Variants in CDH17 observed in about 807,000 individuals in gnomAD.
CDH17 encodes cadherin-17.
A neutral mutation model predicts 86.3 loss-of-function variants in CDH17; 67 were observed. The ratio of observed to expected loss-of-function variants is 0.78; its 90% CI spans 0.64 to 0.95. CDH17 has a LOEUF of 0.95. Among genes scored for constraint, CDH17 ranks in the 40% least tolerant of loss-of-function variants. The pLI, the probability that CDH17 is intolerant of heterozygous loss-of-function variation, is 0.00. For missense variants in CDH17, 993 were observed against 1,017.6 expected (o/e 0.98, Z 0.33); for synonymous variants, 367 against 366.4 (o/e 1.00, Z -0.02).
rs181409807 is a variant in CDH17, at chr8:94,198,753, C to A, written c.-20-4048G>T. Reference sequence around the variant, plus strand: ...GCTGCTCTCCCTGCCTGGCACAAGGCCTGGCCCAGAGAAAATGGACAATGG... The same window carrying A: ...GCTGCTCTCCCTGCCTGGCACAAGGACTGGCCCAGAGAAAATGGACAATGG... On this transcript the variant is annotated intron_variant, in intron 1 of 17. Transcript: ENST00000027335. Among the ~76,000 whole-genome samples, 439 of 152,264 alleles carry A rather than the reference C, an allele frequency of 2.9e-3. 3 individuals carry two copies. The highest frequency in any genetic ancestry group is 0.01 in the African/African-American group (422 of 41,556).
chr8:94,173,151 G>T (rs1377977326), intron 7 of CDH17, among the ~76,000 whole-genome samples: 2 of 152,178 alleles, frequency 1.3e-5, no homozygotes, highest in African/African-American at 2.4e-5. Flanking sequence ...TAAGGTGAGG[G>T]TGAGTGAAGT....
intron 5 of CDH17, 88 bp from the exon 6 acceptor site, chr8:94,174,348 G>T: frequency 7.5e-7 from 1 of 1,332,868 alleles, no homozygotes; most frequent in Non-Finnish European, 1.0e-6. Context: ...CATCTAAAAA[G>T]TGGAGATATA....
intron 15 of CDH17, among the ~76,000 whole-genome samples, chr8:94,139,264 A>G (rs1239122365): frequency 2.0e-5 from 3 of 152,172 alleles, no homozygotes; most frequent in South Asian, 2.1e-4. Flanking sequence ...AAAAAACAGT[A>G]AACTTGAAGA....
intron 3 of CDH17, among the ~76,000 whole-genome samples, chr8:94,179,091 C>T (rs1300795734): frequency 6.6e-6 from 1 of 151,528 alleles, no homozygotes; most frequent in Non-Finnish European, 1.5e-5. Flanking sequence ...TTAATGCACC[C>T]TAATCCCATG....
At chr8:94,186,299 A>G (rs1813579183) in intron 3 of CDH17, among the ~76,000 whole-genome samples, 1 of 152,136 alleles carries the variant, frequency 6.6e-6, no homozygotes, top group Non-Finnish European at 1.5e-5. Flanking sequence ...CCAGTCAAGC[A>G]AGCCAGAGAC....
intron 12 of CDH17, among the ~76,000 whole-genome samples, chr8:94,154,660 C>T (rs1225670086): frequency 6.6e-6 from 1 of 152,146 alleles, no homozygotes; most frequent in Non-Finnish European, 1.5e-5. Flanking sequence ...CTGTCTTCTC[C>T]GTGTCGGCTT....
At chr8:94,194,535 T>C in intron 2 of CDH17, 100 bp downstream of exon 2, 1 of 801,508 alleles carries the variant, frequency 1.2e-6, no homozygotes, top group East Asian at 2.5e-5. Context: ...TAGGTCATCT[T>C]TTTTTAAGTA....
intron 3 of CDH17, among the ~76,000 whole-genome samples, chr8:94,182,630 A>ACC (rs1227468263): frequency 6.6e-6 from 1 of 152,124 alleles, no homozygotes; most frequent in African/African-American, 2.4e-5. Flanking sequence ...TAATAAGGAC[A>ACC]CCGAAGTAAG....
chr8:94,170,482 A>G lies in CDH17; in HGVS notation c.981T>C (p.His327=), dbSNP rs779526349. The G allele has an allele frequency of 1.1e-5, 18 of 1,613,792 alleles. No individual in the cohort carries two copies. In the East Asian group the frequency reaches 4.0e-4, roughly 36 times the overall value. The part of the protein sequence containing the change: ...GKPLSYPLEI[H]VKVKDINDNP... ...TATCATTAATATCTTTAACTTTTAC[A>G]TGAATTTCCAGCGGATATGAAAGTG... The change falls in exon 9 of 18, where the codon CAT becomes CAC. Residue 327 remains histidine, a synonymous_variant. Transcript: ENST00000027335.
chr8:94,151,774 G>A, intron 13 of CDH17, 94 bp downstream of exon 13: 1 of 1,509,316 alleles, frequency 6.6e-7, no homozygotes, highest in South Asian at 1.2e-5. Context: ...TGCTGTGAGG[G>A]TCAGCCCTGG....
intron 9 of CDH17, among the ~76,000 whole-genome samples, chr8:94,166,731 G>C (rs1396522095): frequency 1.3e-5 from 2 of 152,144 alleles, no homozygotes; most frequent in Non-Finnish European, 1.5e-5. Flanking sequence ...TCAGTGACAG[G>C]TGCCCCTATA....
At chr8:94,190,257 C>T (rs1322635760) in intron 2 of CDH17, among the ~76,000 whole-genome samples, 7 of 152,256 alleles carry the variant, frequency 4.6e-5, no homozygotes. Flanking sequence ...AACCAGCCCT[C>T]TCAGCCTCTA....
chr8:94,203,953 A>G lies in CDH17; in HGVS notation c.-21+4530T>C, dbSNP rs533600765. On this transcript the variant is annotated intron_variant, in intron 1 of 17. Coordinates refer to ENST00000027335, the MANE Select transcript of CDH17 (RefSeq NM_004063.4). Reference sequence around the variant, plus strand: ...TTTCAGTATATGAAAATCTGGATTTACACACATGCAAAATTAGAGGTGATG... The same window carrying G: ...TTTCAGTATATGAAAATCTGGATTTGCACACATGCAAAATTAGAGGTGATG... Among the ~76,000 whole-genome samples the G allele has an allele frequency of 4.5e-4, 68 of 152,346 alleles. 4 individuals are homozygous for G. The South Asian group carries it at 0.013, about 30-fold the overall frequency.
chr8:94,132,576 A>C (rs1472637434), intron 15 of CDH17, among the ~76,000 whole-genome samples: 2 of 152,230 alleles, frequency 1.3e-5, no homozygotes, highest in Non-Finnish European at 2.9e-5. Flanking sequence ...GCCCTTTGTC[A>C]GATGGGTAGA....
At chr8:94,168,520 G>C (rs1159922151) in intron 9 of CDH17, among the ~76,000 whole-genome samples, 1 of 151,934 alleles carries the variant, frequency 6.6e-6, no homozygotes, top group African/African-American at 2.4e-5. Flanking sequence ...TAGACAGTAA[G>C]TCCCCACAAG....
intron 1 of CDH17, among the ~76,000 whole-genome samples, chr8:94,198,367 A>T (rs1043169518): frequency 6.6e-6 from 1 of 152,242 alleles, no homozygotes; most frequent in African/African-American, 2.4e-5. Flanking sequence ...TTACTGCTTT[A>T]GAGTACTTAT....
At position 94,160,072 on chromosome 8, in the gene CDH17, TC is replaced by T. The variant is rs761731889; in HGVS notation, c.1449del (p.Ser484ValfsTer9). 3 of 1,613,862 alleles carry T rather than the reference TC, an allele frequency of 1.9e-6. No homozygotes were observed. Among genetic ancestry groups the T allele is most frequent in the Non-Finnish European group, 1.7e-6 (2 of 1,179,852 alleles). On this transcript the variant is annotated frameshift_variant, in exon 12 of 18. Transcript: ENST00000027335. LOFTEE classifies it high-confidence loss of function. ...QATDADEPFTGSSKILYHIIK... is the reference protein window; with the variant it reads ...QATDADEPFTXSSKILYHIIK... ...ATGATATGATACAGAATTTTAGAAC[TC>T]CCAGTAAATGGCTCATCAGCATCAG...
rs577225979 is a variant in CDH17, at chr8:94,155,012, T to C, written c.1552-2900A>G. 7.2e-5 allele frequency among the ~76,000 whole-genome samples: 11 copies of C among 152,192 alleles called. No homozygotes were observed. In the East Asian group the frequency reaches 2.1e-3, roughly 30 times the overall value. On this transcript the variant is annotated intron_variant, in intron 12 of 17. Coordinates refer to ENST00000027335, the MANE Select transcript of CDH17 (RefSeq NM_004063.4). ...CTCACTCTCTAGTTCATAAGTGCTG[T>C]GGGACAATTTTTCACGTAGAAGGGT...
In CDH17 at chr8:94,174,136, G is replaced by T; in HGVS notation, c.549C>A (p.Asn183Lys). 1.2e-6 allele frequency: 2 copies of T among 1,613,774 alleles called. No individual in the cohort carries two copies. Among genetic ancestry groups the T allele is most frequent in the South Asian group, 1.1e-5 (1 of 91,058 alleles). ...MINNVMYFQI[N>K]NKTGAISLTR... is the part of the protein sequence containing the mutation. ...TAAGAGAGATGGCTCCCGTTTTGTT[G>T]TTGATCTGAAAGTACATGACATTGT... The change falls in exon 6 of 18, where the codon AAC becomes AAA. Residue 183 changes from asparagine to lysine, a missense_variant. By Grantham distance (94) the Asn-to-Lys change is moderately conservative. Transcript: ENST00000027335.
Sources: gnomAD v4.1 joint callset for allele counts (sites outside exome capture counted in the v4.1 genomes callset) on GRCh38, gnomAD v4.1.1 for gene constraint, MANE v1.5 for transcripts, NCBI Gene and HGNC (gene_info 2026-07-23, HGNC 2026-07-21) for gene names.